NRG1: variants seen among roughly 807,000 people sequenced by gnomAD.
NRG1 encodes the protein pro-neuregulin-1, membrane-bound isoform.
Under a neutral mutation model 63.8 loss-of-function variants are expected in NRG1, and 18 were observed. The ratio of observed to expected loss-of-function variants is 0.28; its 90% CI spans 0.19 to 0.42. The LOEUF (loss-of-function observed/expected upper bound fraction) is 0.42. NRG1 is among the 10% of genes least tolerant of loss of function. The pLI, the probability that NRG1 is intolerant of heterozygous loss-of-function variation, is 1.00. For synonymous variants in NRG1, 302 were observed against 301.3 expected (o/e 1.00, Z -0.02); for missense variants, 762 against 814.7 (o/e 0.94, Z 0.79).
Position 32,286,113 on chromosome 8 carries a change from G to A in NRG1, c.38-309715G>A, listed in dbSNP as rs372834987. On this transcript the variant is annotated intron_variant, in intron 1 of 10. Coordinates refer to the NRG1 transcript ENST00000519301. ...GAAAGTTATATAGAGGAATGCAAAT[G>A]TGAGTAAACAAGGCGCCTCTACCTA... Among the ~76,000 whole-genome samples the A allele has an allele frequency of 2.0e-4, 31 of 152,332 alleles. 1 individual carries two copies. The highest frequency in any genetic ancestry group is 7.5e-4 in the African/African-American group (31 of 41,578).
intron 1 of NRG1, among the ~76,000 whole-genome samples, chr8:32,075,301 C>A (rs1273737224): frequency 1.7e-4 from 1 of 5,954 alleles, no homozygotes. Context: ...AGAATCATAC[C>A]AGAGTACAGG....
intron 5 of NRG1, among the ~76,000 whole-genome samples, chr8:32,713,468 G>T (rs1818318027): frequency 6.6e-6 from 1 of 151,538 alleles, no homozygotes; most frequent in Admixed American, 6.6e-5. Flanking sequence ...TAATTGAGTT[G>T]AACTTCAAAT....
chr8:32,498,750 C>T (rs188656675), intron 1 of NRG1, among the ~76,000 whole-genome samples: 1 of 152,236 alleles, frequency 6.6e-6, no homozygotes, highest in Admixed American at 6.5e-5. Context: ...AGTGTTGACT[C>T]CCTATCTTTA....
downstream of NRG1, among the ~76,000 whole-genome samples, chr8:32,771,221 C>G (rs1054427079): frequency 6.6e-6 from 1 of 151,406 alleles, no homozygotes; most frequent in African/African-American, 2.4e-5. Context: ...AGTGATCCTC[C>G]CACCTCAGCC....
chr8:31,909,773 C>G (rs1434935558), intron 1 of NRG1, among the ~76,000 whole-genome samples: 1 of 152,158 alleles, frequency 6.6e-6, no homozygotes, highest in Non-Finnish European at 1.5e-5. Context: ...TGTTTCCTAT[C>G]AAGCGGTGCG....
rs1475892899 is a variant in NRG1 at position 32,233,418 on chromosome 8, TATAA to T, written c.38-362402_38-362399del. 2.6e-5 allele frequency among the ~76,000 whole-genome samples: 4 copies of T among 151,742 alleles called. No individual in the cohort carries two copies. The East Asian group carries it at 7.7e-4, about 29-fold the overall frequency. On this transcript the variant is annotated intron_variant, in intron 1 of 10. Coordinates refer to the NRG1 transcript ENST00000519301. ...ACCACACCCAGCCATGAGTGTACAT[TATAA>T]ATAAATACCAATAATGTACTTTCAC... is the stretch of plus-strand genomic sequence containing the variant.
At chr8:31,976,280 G>C (rs557059695) in intron 1 of NRG1, among the ~76,000 whole-genome samples, 6 of 152,262 alleles carry the variant, frequency 3.9e-5, no homozygotes, top group African/African-American at 1.4e-4. Flanking sequence ...TAGATGCCTA[G>C]CTGATTTCTT....
chr8:31,934,307 A>G (rs2129620250), intron 1 of NRG1, among the ~76,000 whole-genome samples: 1 of 151,994 alleles, frequency 6.6e-6, no homozygotes, highest in Middle Eastern at 3.4e-3. Context: ...ATATATGTGT[A>G]CATGTGTGTA....
chr8:32,040,750 C>CATATATATATATATATATATATAT (rs71208164), intron 1 of NRG1, among the ~76,000 whole-genome samples: 4,740 of 48,432 alleles, frequency 0.098, 856 homozygotes, highest in Non-Finnish European at 0.14. Context: ...AATTTAGGCG[C>CATATATATATATATATATATATAT]ATATATATAT....
intron 1 of NRG1, among the ~76,000 whole-genome samples, chr8:32,320,721 G>T (rs7010093): frequency 0.094 from 14,323 of 152,152 alleles, 926 homozygotes; most frequent in African/African-American, 0.18. Flanking sequence ...TTTGGGTGGG[G>T]ACACAAATCC....
intron 1 of NRG1, among the ~76,000 whole-genome samples, chr8:31,933,104 G>C (rs529566838): frequency 6.6e-6 from 1 of 152,248 alleles, no homozygotes; most frequent in East Asian, 1.9e-4. Context: ...CTTAACTGTA[G>C]AAAGAACTTC....
At chr8:32,105,355 A>G (rs1291899129) in intron 1 of NRG1, among the ~76,000 whole-genome samples, 2 of 152,310 alleles carry the variant, frequency 1.3e-5, no homozygotes, top group East Asian at 3.9e-4. Context: ...AGGCCTCACA[A>G]TCATGGCAGA....
intron 1 of NRG1, among the ~76,000 whole-genome samples, chr8:32,461,992 CTGTT>C (rs1822381729): frequency 6.6e-6 from 1 of 152,148 alleles, no homozygotes; most frequent in Non-Finnish European, 1.5e-5. Context: ...AAGCAAAACT[CTGTT>C]TGGCACCCTG....
chr8:32,441,365 C>T (rs150398034), intron 1 of NRG1: 20 of 152,172 alleles, frequency 1.3e-4, no homozygotes, highest in African/African-American at 4.6e-4. Context: ...ATTTTATATA[C>T]CTGGGAACGT....
intron 1 of NRG1, among the ~76,000 whole-genome samples, chr8:32,132,658 G>A (rs1328145888): frequency 2.6e-5 from 4 of 152,074 alleles, no homozygotes; most frequent in Non-Finnish European, 5.9e-5. Flanking sequence ...AGTTGTGTTT[G>A]TGTGTGAATG....
At chr8:32,464,292 C>T (rs1822779333) in intron 1 of NRG1, among the ~76,000 whole-genome samples, 1 of 138,996 alleles carries the variant, frequency 7.2e-6, no homozygotes, top group African/African-American at 2.7e-5. Flanking sequence ...CCCCCCCACC[C>T]CACCATGATG....
At position 32,404,190 on chromosome 8, in the gene NRG1, C is replaced by G. The variant is rs1402757979; in HGVS notation, c.38-191638C>G. On this transcript the variant is annotated intron_variant, in intron 1 of 10. Transcript: ENST00000519301. ...GCACCTGCAGGTGCTTGACATGCCT[C>G]TGAAAATGATCTCAGTGCTGTGCAG... is the stretch of plus-strand genomic sequence containing the variant. Among the ~76,000 whole-genome samples the G allele has an allele frequency of 2.6e-5, 4 of 152,138 alleles. No homozygotes were observed. In the East Asian group the frequency reaches 7.7e-4, roughly 29 times the overall value.
chr8:31,778,287 A>G (rs1819346594), intron 1 of NRG1, among the ~76,000 whole-genome samples: 1 of 152,056 alleles, frequency 6.6e-6, no homozygotes, highest in Non-Finnish European at 1.5e-5. Flanking sequence ...GCAATGCTAC[A>G]TGTCCCTTCT....
rs1270807350 is a variant in NRG1, at chr8:31,913,896, A to G, written c.37+274465A>G. 5.3e-5 allele frequency among the ~76,000 whole-genome samples: 8 copies of G among 152,188 alleles called. No homozygotes were observed. In the East Asian group the frequency reaches 1.3e-3, roughly 26 times the overall value. ...CTTCATCCACTTAACTTGATTTTCC[A>G]TCTTCCTTGAGTCCCAAGGCAAAAC... On this transcript the variant is annotated intron_variant, in intron 1 of 10. Coordinates refer to the NRG1 transcript ENST00000519301.
Sources: allele counts gnomAD v4.1 joint callset (sites outside exome capture counted in the v4.1 genomes callset), GRCh38; gene constraint gnomAD v4.1.1; transcripts MANE v1.5; gene names NCBI Gene and HGNC (gene_info 2026-07-23, HGNC 2026-07-21).